TENM2: variants seen among roughly 807,000 people sequenced by gnomAD.
TENM2 encodes teneurin-2.
In TENM2, 52 loss-of-function variants were observed where a neutral mutation model predicts 245.2. The observed-to-expected ratio is 0.21, with a 90% CI of 0.17 to 0.27. The LOEUF is 0.27. Among genes scored for constraint, TENM2 ranks in the 10% least tolerant of loss-of-function variants. The pLI, the probability that TENM2 is intolerant of heterozygous loss-of-function variation, is 1.00. For missense variants in TENM2, 3,046 were observed against 3,666.8 expected, an observed-to-expected ratio of 0.83 and a Z score of 4.37; for synonymous variants, 1,363 against 1,438.9, an observed-to-expected ratio of 0.95 and a Z score of 1.19.
At chr5:167,476,864 G>T (rs574073266) in intron 2 of TENM2, among the ~76,000 whole-genome samples, 3 of 152,274 alleles carry the variant, frequency 2.0e-5, no homozygotes, top group South Asian at 4.1e-4. Flanking sequence ...CTCCCAAAGT[G>T]CTGGGATTAC....
chr5:167,124,278 A>AT, the TENM2 span, among the ~76,000 whole-genome samples: 5 of 152,144 alleles, frequency 3.3e-5, no homozygotes, highest in Non-Finnish European at 7.4e-5. Flanking sequence ...ACAGAAGGAG[A>AT]TTTTTTCAAT....
Position 168,196,752 on chromosome 5 carries a change from G to A in TENM2, c.2900+1457G>A, listed in dbSNP as rs192153247. Among the ~76,000 whole-genome samples, 293 of 152,270 alleles carry A rather than the reference G, an allele frequency of 1.9e-3. 1 individual carries two copies. The highest frequency in any genetic ancestry group is 6.9e-3 in the African/African-American group (288 of 41,548). On this transcript the variant is annotated intron_variant, in intron 15 of 28. Transcript: ENST00000518659. Reference sequence around the variant, plus strand: ...TCTGGGATTACAGGCGTGAGCCACCGCCCCCAGGCCAGTGTTCTTGAAGAA... The same window carrying A: ...TCTGGGATTACAGGCGTGAGCCACCACCCCCAGGCCAGTGTTCTTGAAGAA...
At chr5:167,375,938 T>G (rs746946793) in intron 2 of TENM2, among the ~76,000 whole-genome samples, 3 of 152,152 alleles carry the variant, frequency 2.0e-5, no homozygotes, top group Non-Finnish European at 2.9e-5. Context: ...GTATTGAAGA[T>G]CAAACTTGGA....
chr5:167,868,141 T>G (rs1395112706), intron 2 of TENM2, among the ~76,000 whole-genome samples: 1 of 152,186 alleles, frequency 6.6e-6, no homozygotes, highest in Non-Finnish European at 1.5e-5. Flanking sequence ...GGCTGAATAA[T>G]TCTGTGTTGT....
intron 2 of TENM2, among the ~76,000 whole-genome samples, chr5:167,434,876 G>A (rs1764450838): frequency 6.6e-6 from 1 of 152,160 alleles, no homozygotes; most frequent in Non-Finnish European, 1.5e-5. Context: ...TGACCTTATG[G>A]AAAAGAAGAA....
intron 12 of TENM2, among the ~76,000 whole-genome samples, chr5:168,158,629 A>G (rs961227682): frequency 6.6e-6 from 1 of 151,184 alleles, no homozygotes; most frequent in African/African-American, 2.4e-5. Flanking sequence ...CAAGATGCCA[A>G]TAGCACCCTC....
Position 168,247,361 on chromosome 5 carries a change from A to G in TENM2, c.6422A>G (p.Gln2141Arg). Reference sequence around the variant, plus strand: ...GGAGTCATCTATTATGACATCAACCAGATCATCACCACTGCCGTGATGACC... The same window carrying G: ...GGAGTCATCTATTATGACATCAACCGGATCATCACCACTGCCGTGATGACC... Residue 2141 changes from glutamine to arginine, a missense_variant, in exon 27 of 29, where the codon CAG becomes CGG. Physicochemically the swap from Gln to Arg is conservative, Grantham distance 43. Around this residue, in one of 2 missense-constraint regions of TENM2, gnomAD observed 2,704 missense variants for 3,331.9 expected, o/e 0.81. Coordinates refer to ENST00000518659, the Ensembl canonical transcript of TENM2. The surrounding 1 kb of genome is among the most constrained non-coding windows in gnomAD (Gnocchi z 7.8). The G allele has an allele frequency of 1.9e-6, 3 of 1,613,980 alleles. No individual in the cohort carries two copies. The highest frequency in any genetic ancestry group is 2.5e-6 in the Non-Finnish European group (3 of 1,179,894).
chr5:167,755,618 G>T (rs1359450564), intron 2 of TENM2, among the ~76,000 whole-genome samples: 2 of 151,940 alleles, frequency 1.3e-5, no homozygotes, highest in East Asian at 3.9e-4. Flanking sequence ...ACCTATTTGC[G>T]GTAGCTCTCT....
At chr5:167,953,869 T>C (rs964739919) in intron 4 of TENM2, among the ~76,000 whole-genome samples, 1 of 152,200 alleles carries the variant, frequency 6.6e-6, no homozygotes, top group Non-Finnish European at 1.5e-5. Context: ...TTCTTACCTA[T>C]AATTTTTTTG....
rs542186106 is a variant in TENM2 at position 167,798,361 on chromosome 5, C to G, written c.503-77625C>G. The stretch of plus-strand genomic sequence containing the variant: ...ACAACAAAGAAGCTACTGCCAGCCC[C>G]CTATTCACCACTCCAATCAGCCCAC... On this transcript the variant is annotated intron_variant, in intron 2 of 28. Transcript: ENST00000518659. Among the ~76,000 whole-genome samples the G allele has an allele frequency of 9.8e-5, 15 of 152,348 alleles. No homozygotes were observed. In the South Asian group the frequency reaches 2.9e-3, roughly 29 times the overall value.
intron 2 of TENM2, among the ~76,000 whole-genome samples, chr5:167,807,632 A>ATTTT (rs766988937): frequency 0.15 from 21,714 of 148,250 alleles, 1,906 homozygotes; most frequent in East Asian, 0.39. Context: ...TTTAAAAAAA[A>ATTTT]AAAAAAAGAG....
chr5:167,361,558 A>G (rs1759720002), intron 1 of TENM2, among the ~76,000 whole-genome samples: 1 of 152,228 alleles, frequency 6.6e-6, no homozygotes, highest in East Asian at 1.9e-4. Context: ...CTGTGTGGCA[A>G]ATGATGGCCA....
chr5:167,695,892 G>C (rs1007647346), intron 2 of TENM2, among the ~76,000 whole-genome samples: 1 of 151,996 alleles, frequency 6.6e-6, no homozygotes, highest in African/African-American at 2.4e-5. Context: ...AAATTAGCCA[G>C]GTGTTGTGGC....
intron 2 of TENM2, among the ~76,000 whole-genome samples, chr5:167,376,317 G>T (rs1760746931): frequency 6.6e-6 from 1 of 152,092 alleles, no homozygotes; most frequent in Non-Finnish European, 1.5e-5. Flanking sequence ...ATGCTATGTG[G>T]TTTGTTATGA....
chr5:167,075,198 TAG>T, the TENM2 span, among the ~76,000 whole-genome samples: 112 of 147,922 alleles, frequency 7.6e-4, no homozygotes, highest in Middle Eastern at 3.5e-3. Context: ...ACTGCAGAGT[TAG>T]AGAGAGAGAG....
At chr5:167,428,196 T>C (rs999176643) in intron 2 of TENM2, among the ~76,000 whole-genome samples, 2 of 152,190 alleles carry the variant, frequency 1.3e-5, no homozygotes, top group African/African-American at 4.8e-5. Flanking sequence ...TCAATAGATA[T>C]ATGAGTTTTT....
chr5:167,611,143 C>T (rs909696226), intron 2 of TENM2, among the ~76,000 whole-genome samples: 6 of 152,136 alleles, frequency 3.9e-5, no homozygotes, highest in South Asian at 2.1e-4. Context: ...GTTCACTTTT[C>T]GGATTCTACT....
At chr5:167,105,663 C>A in the TENM2 span, among the ~76,000 whole-genome samples, 1 of 151,150 alleles carries the variant, frequency 6.6e-6, no homozygotes, top group African/African-American at 2.4e-5. Context: ...CCGAGGCGGG[C>A]GGATCACGAG....
the TENM2 span, among the ~76,000 whole-genome samples, chr5:167,001,529 A>C: frequency 1.3e-5 from 2 of 150,504 alleles, no homozygotes; most frequent in African/African-American, 4.9e-5. Context: ...TCTGAGATCT[A>C]TCCAAAGTGG....
Sources: gnomAD v4.1 joint callset for allele counts (sites outside exome capture counted in the v4.1 genomes callset) on GRCh38, gnomAD v4.1.1 for gene constraint, gnomAD v4.1.1 regional missense constraint, Gnocchi (gnomAD v3.1) non-coding constraint, MANE v1.5 for transcripts, NCBI Gene and HGNC (gene_info 2026-07-23, HGNC 2026-07-21) for gene names.